The following LPA variants were observed in gnomAD, a reference collection of about 807,000 sequenced individuals.
The protein encoded by LPA is apolipoprotein(a).
LPA carries 199 observed loss-of-function variants against 197.9 expected under a neutral mutation model. That is an observed-to-expected ratio of 1.01 (90% CI 0.90 to 1.13). The LOEUF is 1.13. Among genes scored for constraint, LPA ranks in the 50% most tolerant of loss-of-function variants. The pLI is 0.00. For synonymous variants in LPA, 715 were observed against 639.5 expected, an observed-to-expected ratio of 1.12 and a Z score of -1.78; for missense variants, 1,853 against 1,785.8, an observed-to-expected ratio of 1.04 and a Z score of -0.68.
At chr6:160,592,563 T>C (rs1562335437) in intron 22 of LPA, among the ~76,000 whole-genome samples, 1 of 152,354 alleles carries the variant, frequency 6.6e-6, no homozygotes, top group South Asian at 2.1e-4. Flanking sequence ...CTCCCAGTTA[T>C]GGATCACAGT....
At chr6:160,654,549 T>C (rs946360645) in intron 1 of LPA, among the ~76,000 whole-genome samples, 3 of 152,128 alleles carry the variant, frequency 2.0e-5, no homozygotes, top group African/African-American at 7.2e-5. Context: ...ACACACATCC[T>C]GAAATCATAC....
chr6:160,605,136 T>C lies in LPA; in HGVS notation c.2855A>G (p.Tyr952Cys). ...GGTTCTTCCTGTGACAGTAATGAAG[T>C]ATGTGCCTTGATAACTCTGTCCATT... is the stretch of plus-strand genomic sequence containing the variant. ...HGNGQSYQGT[Y>C]FITVTGRTCQ... The change falls in exon 18 of 39, where the codon TAC (tyrosine) becomes TGC (cysteine). Residue 952 changes from tyrosine to cysteine, a missense_variant. This residue lies in a region of LPA where 1,737 missense variants were observed against 1,504.4 expected (regional missense o/e 1.15). Transcript: ENST00000316300. 1.2e-6 allele frequency: 2 copies of C among 1,613,964 alleles called. No individual in the cohort carries two copies. Among genetic ancestry groups the C allele is most frequent in the South Asian group, 1.1e-5 (1 of 91,080 alleles).
At chr6:160,543,923 G>T (rs1214952100) in intron 33 of LPA, among the ~76,000 whole-genome samples, 1 of 152,152 alleles carries the variant, frequency 6.6e-6, no homozygotes, top group Non-Finnish European at 1.5e-5. Context: ...ATTTCCAAGT[G>T]TCTGATGGGA....
chr6:160,566,150 G>A (rs1308966287), intron 28 of LPA, among the ~76,000 whole-genome samples: 1 of 152,054 alleles, frequency 6.6e-6, no homozygotes, highest in East Asian at 1.9e-4. Flanking sequence ...ACAAAGGCAG[G>A]CCAACATTCA....
chr6:160,599,028 G>A, intron 20 of LPA, among the ~76,000 whole-genome samples: 1 of 152,146 alleles, frequency 6.6e-6, no homozygotes, highest in Admixed American at 6.5e-5. Flanking sequence ...ATAAAACTAG[G>A]AGGAAGGAGA....
At chr6:160,660,596 A>G (rs1010038565) in intron 1 of LPA, among the ~76,000 whole-genome samples, 2 of 152,146 alleles carry the variant, frequency 1.3e-5, no homozygotes, top group Admixed American at 6.6e-5. Flanking sequence ...CTTGGAGGCC[A>G]TTGTTTGATT....
At chr6:160,654,981 C>T (rs1780107116) in intron 1 of LPA, among the ~76,000 whole-genome samples, 1 of 152,104 alleles carries the variant, frequency 6.6e-6, no homozygotes, top group Non-Finnish European at 1.5e-5. Flanking sequence ...GGCAGGGTGG[C>T]ATGAGTGGAG....
At chr6:160,649,074 G>A (rs1779957771) in intron 2 of LPA, among the ~76,000 whole-genome samples, 1 of 152,154 alleles carries the variant, frequency 6.6e-6, no homozygotes, top group African/African-American at 2.4e-5. Context: ...CATTGACTTG[G>A]ACATCATTCT....
intron 33 of LPA, among the ~76,000 whole-genome samples, chr6:160,545,047 C>T (rs1360353159): frequency 1.3e-5 from 2 of 151,998 alleles, no homozygotes; most frequent in South Asian, 2.1e-4. Flanking sequence ...TCCTGCTGCT[C>T]GTATTTTTTT....
intron 16 of LPA, 59 bp downstream of exon 16, chr6:160,611,503 C>G (rs1779518363): frequency 1.1e-5 from 18 of 1,598,954 alleles, no homozygotes; most frequent in Non-Finnish European, 1.5e-5. Flanking sequence ...AAGCATGTCT[C>G]TTGTCACAGA....
chr6:160,579,015 T>G (rs1321339980), intron 26 of LPA, among the ~76,000 whole-genome samples: 2 of 152,190 alleles, frequency 1.3e-5, no homozygotes, highest in East Asian at 3.9e-4. Flanking sequence ...CCAAATACTT[T>G]CCTCCAGAAT....
chr6:160,653,988 A>ATT (rs1355029979), intron 1 of LPA, among the ~76,000 whole-genome samples: 872 of 17,516 alleles, frequency 0.05, 63 homozygotes, highest in Non-Finnish European at 0.053. Flanking sequence ...TATAATATAT[A>ATT]ATATATATTA....
At position 160,589,694 on chromosome 6, in the gene LPA, G is replaced by C. The variant is rs765360409; in HGVS notation, c.3806C>G (p.Pro1269Arg). ...ACCATGGTAGCAGTCCTGGACTGTG[G>C]GGCTTTGCTCCGTTGGTGCTGAAAT... ...VSEQAPTEQS[P>R]TVQDCYHGDG... Residue 1269 changes from proline to arginine, a missense_variant, in exon 24 of 39, where the codon CCC becomes CGC. Physicochemically the swap from Pro to Arg is moderately radical, Grantham distance 103. Around this residue, in one of 3 missense-constraint regions of LPA, gnomAD observed 1,737 missense variants for 1,504.4 expected, o/e 1.15. Coordinates refer to ENST00000316300, the MANE Select transcript of LPA (RefSeq NM_005577.4). The C allele has an allele frequency of 6.2e-7, 1 of 1,613,768 alleles. No individual in the cohort carries two copies. Among genetic ancestry groups the C allele is most frequent in the Non-Finnish European group, 8.5e-7 (1 of 1,179,832 alleles).
rs868022430 is a variant in LPA at position 160,599,553 on chromosome 6, C to T, written c.3234G>A (p.Trp1078Ter). 4 of 1,614,072 alleles carry T rather than the reference C, an allele frequency of 2.5e-6. No homozygotes were observed. Among genetic ancestry groups the T allele is most frequent in the Admixed American group, 3.3e-5 (2 of 60,008 alleles). Residue 1078 changes from tryptophan (W) to a stop codon, truncating the protein, a stop_gained, in exon 20 of 39, where the codon TGG becomes TGA. Transcript: ENST00000316300. LOFTEE classifies it high-confidence loss of function. ...TATGCTGGTGTGGTGTCATAGATGACCAAGCTTGGCAAGTTCTTCCTGTGA... is the reference window on the plus strand; with the variant it reads ...TATGCTGGTGTGGTGTCATAGATGATCAAGCTTGGCAAGTTCTTCCTGTGA... ...TTVTGRTCQA[W>*]SSMTPHQHSR...
rs376418933 is a variant in LPA, at chr6:160,650,431, G to C, written c.116C>G (p.Thr39Arg). ...YHGDGQSYRG[T>R]YSTTVTGRTC... ...CCTTCCTGTGACAGTGGTGGAGTACGTGCCTCGATAACTCTGTCCATCACC... is the reference window on the plus strand; with the variant it reads ...CCTTCCTGTGACAGTGGTGGAGTACCTGCCTCGATAACTCTGTCCATCACC... Residue 39 changes from threonine (T) to arginine (R), a missense_variant, in exon 2 of 39, where the codon ACG (threonine) becomes AGG (arginine). Thr to Arg is a moderately conservative substitution (Grantham distance 71, BLOSUM62 -1). Around this residue, in one of 3 missense-constraint regions of LPA, gnomAD observed 88 missense variants for 83.0 expected, o/e 1.06. Transcript: ENST00000316300. The C allele has an allele frequency of 3.1e-6, 5 of 1,613,806 alleles. No homozygotes were observed.
rs773985446 is a variant in LPA at position 160,578,691 on chromosome 6, T to C, written c.4303A>G (p.Asn1435Asp). 1.9e-6 allele frequency: 3 copies of C among 1,613,810 alleles called. No homozygotes were observed. The Admixed American group carries it at 5.0e-5, about 27-fold the overall frequency. The change falls in exon 27 of 39, where the codon AAC (asparagine) becomes GAC (aspartate). Residue 1435 changes from asparagine (N) to aspartate (D), a missense_variant. This residue lies in a region of LPA where 1,737 missense variants were observed against 1,504.4 expected (regional missense o/e 1.15). Coordinates refer to ENST00000316300, the MANE Select transcript of LPA (RefSeq NM_005577.4). ...TCAGCATCTGGATTCCTGCAGTAGT[T>C]CCTGGTCAGGCCACTGCAAATTTCA... ...LYYPNAGLTR[N>D]YCRNPDAEIR...
At position 160,599,507 on chromosome 6, in the gene LPA, G is replaced by C. The variant is rs1202224468; in HGVS notation, c.3280C>G (p.Pro1094Ala). The C allele has an allele frequency of 1.9e-6, 3 of 1,613,638 alleles. No individual in the cohort carries two copies. Among genetic ancestry groups the C allele is most frequent in the Non-Finnish European group, 1.7e-6 (2 of 1,179,916 alleles). ...HQHSRTPENY[P>A]NAGLTRNYCR... Reference sequence around the variant, plus strand: ...TAAAGAACAAAGACGTACGCATTTGGGTAGTTTTCTGGGGTCCGACTATGC... The same window carrying C: ...TAAAGAACAAAGACGTACGCATTTGCGTAGTTTTCTGGGGTCCGACTATGC... Residue 1094 changes from proline to alanine, a missense_variant, in exon 20 of 39, where the codon CCA (proline) becomes GCA (alanine). This residue lies in a region of LPA where 1,737 missense variants were observed against 1,504.4 expected (regional missense o/e 1.15). Coordinates refer to ENST00000316300, the MANE Select transcript of LPA (RefSeq NM_005577.4).
At chr6:160,588,989 G>A (rs1181488837) in intron 24 of LPA, among the ~76,000 whole-genome samples, 2 of 152,208 alleles carry the variant, frequency 1.3e-5, no homozygotes, top group Non-Finnish European at 2.9e-5. Context: ...TAACTCTTCA[G>A]CATCTCTATA....
chr6:160,656,795 G>A (rs537238680), intron 1 of LPA, among the ~76,000 whole-genome samples: 2 of 152,272 alleles, frequency 1.3e-5, no homozygotes, highest in South Asian at 2.1e-4. Flanking sequence ...GAAATTGATT[G>A]AGGGCCCATG....
Sources: allele counts gnomAD v4.1 joint callset (sites outside exome capture counted in the v4.1 genomes callset), GRCh38; gene constraint gnomAD v4.1.1; regional missense constraint gnomAD v4.1.1; transcripts MANE v1.5; gene names NCBI Gene and HGNC (gene_info 2026-07-23, HGNC 2026-07-21).